The following CSGALNACT1 variants were observed in gnomAD, a reference collection of about 807,000 sequenced individuals.
CSGALNACT1 encodes the protein chondroitin sulfate N-acetylgalactosaminyltransferase 1, also known as beta4GalNAcT-1.
In CSGALNACT1, 52 loss-of-function variants were observed where a neutral mutation model predicts 51.0. The ratio of observed to expected loss-of-function variants is 1.02; its 90% CI spans 0.82 to 1.29. CSGALNACT1 has a LOEUF of 1.29. Among genes scored for constraint, CSGALNACT1 ranks in the 50% most tolerant of loss-of-function variants. The pLI is 0.00. For missense variants in CSGALNACT1, 935 were observed against 679.2 expected, an observed-to-expected ratio of 1.38 and a Z score of -4.19; for synonymous variants, 341 against 254.4, an observed-to-expected ratio of 1.34 and a Z score of -3.24.
intron 3 of CSGALNACT1, among the ~76,000 whole-genome samples, chr8:19,543,465 T>A (rs963629857): frequency 2.6e-5 from 4 of 152,218 alleles, no homozygotes; most frequent in African/African-American, 9.6e-5. Flanking sequence ...GTGCCTAGAC[T>A]GTTTGTAGAA....
chr8:19,563,966 G>C (rs1564068256), intron 3 of CSGALNACT1, among the ~76,000 whole-genome samples: 1 of 151,888 alleles, frequency 6.6e-6, no homozygotes, highest in Admixed American at 6.6e-5. Context: ...TCTGAAGCTG[G>C]ACGTTCTGTC....
At chr8:19,506,351 A>G (rs1159008356) in intron 3 of CSGALNACT1, among the ~76,000 whole-genome samples, 1 of 152,230 alleles carries the variant, frequency 6.6e-6, no homozygotes. Flanking sequence ...TTGGAAGGAA[A>G]ATGGCAAAAT....
At chr8:19,686,593 A>G (rs1481714675), upstream of CSGALNACT1, among the ~76,000 whole-genome samples, 1 of 152,206 alleles carries the variant, frequency 6.6e-6, no homozygotes, top group Non-Finnish European at 1.5e-5. Flanking sequence ...CAGGAACTGA[A>G]ATAATAGCCA....
At chr8:19,666,809 A>AAGAAAGAAAGAAAGAAAGAGAG (rs1564383214) in intron 1 of CSGALNACT1, among the ~76,000 whole-genome samples, 8 of 25,106 alleles carry the variant, frequency 3.2e-4, no homozygotes, top group East Asian at 2.8e-3. Context: ...GAAAGAAAGA[A>AAGAAAGAAAGAAAGAAAGAGAG]AGAGAGAGAG....
chr8:19,629,024 G>C (rs1335072684), intron 1 of CSGALNACT1, among the ~76,000 whole-genome samples: 1 of 152,174 alleles, frequency 6.6e-6, no homozygotes, highest in Non-Finnish European at 1.5e-5. Context: ...AAACTGGAGA[G>C]AGGGAAGGCA....
intron 1 of CSGALNACT1, among the ~76,000 whole-genome samples, chr8:19,736,635 G>C (rs1241506212): frequency 2.6e-5 from 4 of 152,062 alleles, no homozygotes; most frequent in African/African-American, 4.8e-5. Flanking sequence ...AAACCGAATA[G>C]ATGGTCTACA....
intron 3 of CSGALNACT1, among the ~76,000 whole-genome samples, chr8:19,509,245 A>C (rs2077975265): frequency 6.6e-6 from 1 of 152,216 alleles, no homozygotes; most frequent in Non-Finnish European, 1.5e-5. Context: ...TCCTGAAGTC[A>C]GAAGAGGCTT....
chr8:19,592,383 T>C (rs1368962843), intron 2 of CSGALNACT1, among the ~76,000 whole-genome samples: 3 of 152,178 alleles, frequency 2.0e-5, no homozygotes, highest in Non-Finnish European at 4.4e-5. Flanking sequence ...CTCAAATGGT[T>C]CAGATAAAAT....
intron 1 of CSGALNACT1, among the ~76,000 whole-genome samples, chr8:19,661,684 C>A (rs951307050): frequency 3.3e-5 from 5 of 152,178 alleles, no homozygotes; most frequent in African/African-American, 4.8e-5. Flanking sequence ...ATGGGACAAG[C>A]ACATGGAATA....
rs1007483177 is a variant in CSGALNACT1, at chr8:19,458,335, G to A, written c.851+91C>T. The A allele has an allele frequency of 4.2e-5, 45 of 1,063,566 alleles. No homozygotes were observed. In the African/African-American group the frequency reaches 4.4e-4, roughly 10 times the overall value. The allele number at this position is 1,063,566 out of a possible 1,614,324, so 65.9% of individuals were successfully genotyped here. On this transcript the variant is annotated intron_variant, in intron 5 of 9. Coordinates refer to ENST00000454498, the Ensembl canonical transcript of CSGALNACT1. ...ATAAGAGAAAGGAGGCTTTGTACTC[G>A]GCAGGGGAAATGAAGGAGATGACGG...
intron 5 of CSGALNACT1, among the ~76,000 whole-genome samples, chr8:19,445,043 C>A (rs1050272576): frequency 1.3e-5 from 2 of 152,134 alleles, no homozygotes; most frequent in African/African-American, 2.4e-5. Flanking sequence ...ACCTCAGGAA[C>A]CCAGAGCAAT....
rs189198211 is a variant in CSGALNACT1 at position 19,497,990 on chromosome 8, A to G, written c.634+7211T>C. ...GACCGAACCAATGTTCATCCTACAT[A>G]TGTTGATTGATGTCTCATGTCTCCC... On this transcript the variant is annotated intron_variant, in intron 4 of 9. Coordinates refer to ENST00000454498, the Ensembl canonical transcript of CSGALNACT1. 2.5e-3 allele frequency among the ~76,000 whole-genome samples: 388 copies of G among 152,222 alleles called. 2 individuals are homozygous for G. Among genetic ancestry groups the G allele is most frequent in the Non-Finnish European group, 4.0e-3 (274 of 68,026 alleles).
exon 10 of CSGALNACT1, chr8:19,405,785 T>A: frequency 2.5e-6 from 4 of 1,614,110 alleles, no homozygotes; most frequent in Non-Finnish European, 3.4e-6. Flanking sequence ...GGAGTTCATG[T>A]TTTTTTGCTA....
At chr8:19,712,670 G>A (rs1041597864) in intron 1 of CSGALNACT1, among the ~76,000 whole-genome samples, 13 of 152,250 alleles carry the variant, frequency 8.5e-5, no homozygotes, top group African/African-American at 2.4e-4. Flanking sequence ...CAACCACTGC[G>A]TTTCTTAAAA....
At chr8:19,519,266 A>G (rs1460388979) in intron 3 of CSGALNACT1, among the ~76,000 whole-genome samples, 1 of 152,106 alleles carries the variant, frequency 6.6e-6, no homozygotes, top group Non-Finnish European at 1.5e-5. Context: ...TAAACCTCAT[A>G]ATAACTTTAG....
At chr8:19,651,404 C>T (rs940793640) in intron 1 of CSGALNACT1, among the ~76,000 whole-genome samples, 1 of 152,138 alleles carries the variant, frequency 6.6e-6, no homozygotes, top group African/African-American at 2.4e-5. Flanking sequence ...TTTTTATCTT[C>T]ATCTTCCACC....
intron 3 of CSGALNACT1, among the ~76,000 whole-genome samples, chr8:19,524,752 C>G (rs2081346987): frequency 6.6e-6 from 1 of 152,102 alleles, no homozygotes; most frequent in East Asian, 1.9e-4. Flanking sequence ...AGGACTGGGA[C>G]CATTGATTGC....
intron 1 of CSGALNACT1, among the ~76,000 whole-genome samples, chr8:19,680,310 C>A (rs2060500488): frequency 6.6e-6 from 1 of 152,174 alleles, no homozygotes; most frequent in Non-Finnish European, 1.5e-5. Context: ...AATCCCAGCG[C>A]TTTGGGAGGC....
At chr8:19,425,887 T>C (rs141315056) in intron 6 of CSGALNACT1, among the ~76,000 whole-genome samples, 276 of 152,208 alleles carry the variant, frequency 1.8e-3, no homozygotes, top group African/African-American at 6.3e-3. Context: ...TTAAGGCCCA[T>C]GTCAAGAATC....
Sources: allele counts gnomAD v4.1 joint callset (sites outside exome capture counted in the v4.1 genomes callset), GRCh38; gene constraint gnomAD v4.1.1; transcripts MANE v1.5; gene names NCBI Gene and HGNC (gene_info 2026-07-23, HGNC 2026-07-21).